SOX6: variants seen among roughly 807,000 people sequenced by gnomAD.
SOX6 encodes transcription factor SOX-6.
Under a neutral mutation model 97.8 loss-of-function variants are expected in SOX6, and 11 were observed. The observed-to-expected ratio is 0.11, with a 90% CI of 0.07 to 0.19. The LOEUF (loss-of-function observed/expected upper bound fraction) is 0.19, where lower values mean the gene tolerates loss of function less well. Among genes scored for constraint, SOX6 ranks in the 10% least tolerant of loss-of-function variants. The pLI is 1.00. For synonymous variants in SOX6, 360 were observed against 371.4 expected (o/e 0.97, Z 0.35); for missense variants, 810 against 1,039.5 (o/e 0.78, Z 3.04).
At chr11:16,070,033 T>C (rs966138093) in intron 9 of SOX6, among the ~76,000 whole-genome samples, 3 of 152,094 alleles carry the variant, frequency 2.0e-5, no homozygotes. Context: ...CGGGCGCCTG[T>C]AGTCCCAGCT....
intron 6 of SOX6, among the ~76,000 whole-genome samples, chr11:16,150,797 G>A (rs1156939488): frequency 6.6e-6 from 1 of 152,080 alleles, no homozygotes; most frequent in Non-Finnish European, 1.5e-5. Context: ...TTTAAATTGT[G>A]TATGACTTTA....
chr11:16,603,087 G>A (rs771772572), intron 4 of SOX6, among the ~76,000 whole-genome samples: 15 of 152,174 alleles, frequency 9.9e-5, no homozygotes, highest in Non-Finnish European at 1.6e-4. Context: ...GATTTAGGAT[G>A]TTTGCTTGTT....
chr11:16,633,291 T>C (rs12289512), intron 3 of SOX6, among the ~76,000 whole-genome samples: 327 of 152,346 alleles, frequency 2.1e-3, no homozygotes, highest in Admixed American at 5.0e-3. Flanking sequence ...AACTAACTTA[T>C]TCATTTTATT....
chr11:16,259,945 A>ATATGTGTGTGTGTGTG (rs3059123), intron 3 of SOX6, among the ~76,000 whole-genome samples: 2,407 of 149,106 alleles, frequency 0.016, 48 homozygotes, highest in African/African-American at 0.042. Flanking sequence ...TGTCCCAAAT[A>ATATGTGTGTGTGTGTG]TGTGTGTGTG....
rs189389677 is a variant in SOX6, at chr11:16,708,576, G to A, written n.429+6254C>T. 1.1e-3 allele frequency among the ~76,000 whole-genome samples: 165 copies of A among 152,202 alleles called. 2 individuals carry two copies. Among genetic ancestry groups the A allele is most frequent in the Non-Finnish European group, 7.4e-5 (5 of 68,002 alleles). ...ATTGAGGAAGTATTTTGCATTATTA[G>A]AGAGCAAGATCTCACTAATAAATGG... is the stretch of plus-strand genomic sequence containing the variant. On this transcript the variant is annotated intron_variant and non_coding_transcript_variant, in intron 3 of 5. Transcript: ENST00000524520.
chr11:16,457,794 G>T (rs1414241804), intron 1 of SOX6, among the ~76,000 whole-genome samples: 1 of 151,976 alleles, frequency 6.6e-6, no homozygotes, highest in Non-Finnish European at 1.5e-5. Context: ...TTGAGTTTTA[G>T]CAGTTTGTTT....
intron 12 of SOX6, among the ~76,000 whole-genome samples, chr11:16,017,649 C>A (rs1854929169): frequency 6.6e-6 from 1 of 152,074 alleles, no homozygotes; most frequent in African/African-American, 2.4e-5. Flanking sequence ...TGAGGTTGAA[C>A]ATGAGCCTAG....
intron 2 of SOX6, among the ~76,000 whole-genome samples, chr11:16,719,666 G>A (rs959746645): frequency 6.6e-6 from 1 of 152,202 alleles, no homozygotes; most frequent in Admixed American, 6.5e-5. Context: ...GCTCACACCT[G>A]TAATGCCAAC....
chr11:15,972,751 C>T lies in SOX6; in HGVS notation c.*58G>A. The T allele has an allele frequency of 2.5e-6, 4 of 1,589,104 alleles. No homozygotes were observed. Among genetic ancestry groups the T allele is most frequent in the South Asian group, 1.1e-5 (1 of 90,526 alleles). Reference sequence around the variant, plus strand: ...AATGCATGCGGGCTCTTTAATAACTCTTTGTTGGGGAGGGGGGTGAAATGT... The same window carrying T: ...AATGCATGCGGGCTCTTTAATAACTTTTTGTTGGGGAGGGGGGTGAAATGT... On this transcript the variant is annotated 3_prime_UTR_variant, in exon 16 of 16. Transcript: ENST00000683767.
chr11:16,211,217 G>A (rs1852218009), intron 4 of SOX6, among the ~76,000 whole-genome samples: 1 of 152,070 alleles, frequency 6.6e-6, no homozygotes, highest in East Asian at 1.9e-4. Flanking sequence ...AAGCACTCTG[G>A]CCTTTACTTA....
At chr11:16,657,720 A>T (rs1470950884) in intron 3 of SOX6, among the ~76,000 whole-genome samples, 3 of 151,660 alleles carry the variant, frequency 2.0e-5, no homozygotes, top group Non-Finnish European at 4.4e-5. Context: ...TTTAATTTGC[A>T]CTCCCTAGTG....
chr11:16,110,653 C>CATTCGTG (rs985542329), intron 7 of SOX6, among the ~76,000 whole-genome samples: 1 of 152,112 alleles, frequency 6.6e-6, no homozygotes, highest in African/African-American at 2.4e-5. Flanking sequence ...TTCCTTGAAT[C>CATTCGTG]ATTCGTGTTT....
chr11:16,169,837 G>A (rs1850984715), intron 6 of SOX6, among the ~76,000 whole-genome samples: 1 of 151,812 alleles, frequency 6.6e-6, no homozygotes, highest in Non-Finnish European at 1.5e-5. Context: ...TGCTGATGGG[G>A]GCACCTCTTT....
chr11:16,085,144 C>A (rs893525889), intron 9 of SOX6, among the ~76,000 whole-genome samples: 40 of 152,208 alleles, frequency 2.6e-4, no homozygotes, highest in African/African-American at 9.6e-4. Flanking sequence ...CTGGAACAAA[C>A]CCCTATTTGG....
chr11:16,663,498 TTTTTTGCAGATACGG>T (rs1847781963), intron 3 of SOX6, among the ~76,000 whole-genome samples: 1 of 152,108 alleles, frequency 6.6e-6, no homozygotes, highest in African/African-American at 2.4e-5. Context: ...AATTTTTGCA[TTTTTTGCAGATACGG>T]GGTATCACCA....
chr11:16,700,528 C>T (rs1046326241), intron 3 of SOX6, among the ~76,000 whole-genome samples: 10 of 152,186 alleles, frequency 6.6e-5, no homozygotes, highest in African/African-American at 9.6e-5. Flanking sequence ...AGACTGACCC[C>T]GTGGACTGCA....
chr11:16,619,014 T>C (rs1848506064), intron 3 of SOX6, among the ~76,000 whole-genome samples: 1 of 152,006 alleles, frequency 6.6e-6, no homozygotes, highest in Admixed American at 6.6e-5. Context: ...CAAGTTTTAC[T>C]TATTGGTGTG....
chr11:16,590,780 T>C (rs1427332534), intron 4 of SOX6, among the ~76,000 whole-genome samples: 2 of 150,932 alleles, frequency 1.3e-5, no homozygotes, highest in African/African-American at 2.4e-5. Context: ...AGACAGAGAG[T>C]AGAATGATGG....
chr11:16,373,174 G>A (rs181862812), intron 1 of SOX6, among the ~76,000 whole-genome samples: 99 of 152,128 alleles, frequency 6.5e-4, no homozygotes, highest in Non-Finnish European at 6.0e-4. Flanking sequence ...CTGTGGTTAC[G>A]GCAAAACTAT....
Sources: gnomAD v4.1 joint callset for allele counts (sites outside exome capture counted in the v4.1 genomes callset) on GRCh38, gnomAD v4.1.1 for gene constraint, MANE v1.5 for transcripts, NCBI Gene and HGNC (gene_info 2026-07-23, HGNC 2026-07-21) for gene names.